The following ANXA2 variants were observed in gnomAD, a reference collection of about 807,000 sequenced individuals.
The protein encoded by ANXA2 is annexin A2, also known as annexin II.
A neutral mutation model predicts 47.3 loss-of-function variants in ANXA2; 28 were observed. That is an observed-to-expected ratio of 0.59 (90% confidence interval 0.44 to 0.81). ANXA2 has a LOEUF of 0.81. Ranked by LOEUF, ANXA2 falls within the 40% of genes least tolerant of loss-of-function variation. ANXA2 has a pLI of 0.00. For synonymous variants in ANXA2, 172 were observed against 155.5 expected, an observed-to-expected ratio of 1.11 and a Z score of -0.79; for missense variants, 384 against 414.3, an observed-to-expected ratio of 0.93 and a Z score of 0.64.
In ANXA2 at chr15:60,382,430, G is replaced by A. The variant is rs762696326; in HGVS notation, c.60C>T (p.Pro20=). 9.3e-6 allele frequency: 15 copies of A among 1,612,652 alleles called. No homozygotes were observed. The highest frequency in any genetic ancestry group is 3.3e-5 in the South Asian group (3 of 91,014). Reference sequence around the variant, plus strand: ...CTTTGACAGACCCATATGCACTTGGGGGTGTAGAGTGCTGAGGTTAAAAGA... The same window carrying A: ...CTTTGACAGACCCATATGCACTTGGAGGTGTAGAGTGCTGAGGTTAAAAGA... The part of the protein sequence containing the change: ...KLSLEGDHST[P]PSAYGSVKAY... Residue 20 remains proline, a synonymous_variant, in exon 3 of 13, where the codon CCC becomes CCT. Coordinates refer to ENST00000451270, the MANE Select transcript of ANXA2 (RefSeq NM_004039.3).
intron 1 of ANXA2, 107 bp downstream of exon 1, chr15:60,397,836 G>A: frequency 5.8e-6 from 8 of 1,382,658 alleles, no homozygotes; most frequent in Non-Finnish European, 7.5e-6. Flanking sequence ...ACGGCCTCCG[G>A]GGCCAGTTGC....
intron 5 of ANXA2, among the ~76,000 whole-genome samples, chr15:60,359,433 C>T (rs1000419213): frequency 6.6e-6 from 1 of 152,132 alleles, no homozygotes; most frequent in Admixed American, 6.5e-5. Context: ...TTTTCAGGAG[C>T]GCTATTTTTA....
intron 1 of ANXA2, among the ~76,000 whole-genome samples, chr15:60,389,118 A>T (rs537540000): frequency 6.6e-6 from 1 of 152,214 alleles, no homozygotes; most frequent in African/African-American, 2.4e-5. Context: ...TCACCCCTGG[A>T]CTCAGTCAGA....
chr15:60,354,209 C>G lies in ANXA2; in HGVS notation c.533G>C (p.Arg178Thr). Residue 178 changes from arginine (R) to threonine (T), a missense_variant, in exon 8 of 13, where the codon AGA becomes ACA. Transcript: ENST00000451270. ...RKLMVALAKG[R>T]RAEDGSVIDY... ...AATGACAGAGCCATCCTCTGCTCTTCTACCCTATGGGGGAAAGAAAAAGAA... is the reference window on the plus strand; with the variant it reads ...AATGACAGAGCCATCCTCTGCTCTTGTACCCTATGGGGGAAAGAAAAAGAA... The G allele has an allele frequency of 1.9e-6, 3 of 1,612,694 alleles. No individual in the cohort carries two copies. The highest frequency in any genetic ancestry group is 2.5e-6 in the Non-Finnish European group (3 of 1,179,146).
At chr15:60,397,587 T>C (rs2063098112) in intron 1 of ANXA2, among the ~76,000 whole-genome samples, 1 of 151,964 alleles carries the variant, frequency 6.6e-6, no homozygotes, top group South Asian at 2.1e-4. Context: ...GGCCACGCCC[T>C]GCCTCGGCGG....
At chr15:60,379,988 G>C (rs2062833658) in intron 3 of ANXA2, among the ~76,000 whole-genome samples, 1 of 152,170 alleles carries the variant, frequency 6.6e-6, no homozygotes, top group African/African-American at 2.4e-5. Context: ...TCCCATGCTT[G>C]TGAAAAGCAC....
chr15:60,357,028 C>G lies in ANXA2; in HGVS notation c.448+118G>C, dbSNP rs951045513. The G allele has an allele frequency of 3.6e-6, 3 of 835,046 alleles. No homozygotes were observed. The African/African-American group carries it at 5.0e-5, about 14-fold the overall frequency. The allele number at this position is 835,046 out of a possible 1,614,324, so 51.7% of individuals were successfully genotyped here. On this transcript the variant is annotated intron_variant, in intron 6 of 12. Transcript: ENST00000451270. Reference sequence around the variant, plus strand: ...AACCTTGCCTGCATAGTCAAGGTGGCAGGCACTTCTGCACATCACTAATGC... The same window carrying G: ...AACCTTGCCTGCATAGTCAAGGTGGGAGGCACTTCTGCACATCACTAATGC...
intron 3 of ANXA2, among the ~76,000 whole-genome samples, chr15:60,378,330 T>A (rs896699626): frequency 3.9e-5 from 6 of 152,214 alleles, no homozygotes; most frequent in Non-Finnish European, 7.3e-5. Flanking sequence ...AATAAAGATG[T>A]TGAAAATTAT....
intron 5 of ANXA2, among the ~76,000 whole-genome samples, chr15:60,359,815 C>T (rs1474518654): frequency 2.0e-5 from 3 of 151,956 alleles, no homozygotes; most frequent in African/African-American, 7.2e-5. Context: ...CAATGGTTTC[C>T]CTCATCTACA....
intron 1 of ANXA2, among the ~76,000 whole-genome samples, chr15:60,387,839 T>C (rs904766930): frequency 6.6e-6 from 1 of 152,140 alleles, no homozygotes; most frequent in Non-Finnish European, 1.5e-5. Flanking sequence ...CAGGGGAACA[T>C]GGGCATTCTT....
chr15:60,366,497 G>A (rs1385098849), intron 3 of ANXA2, among the ~76,000 whole-genome samples: 3 of 132,438 alleles, frequency 2.3e-5, no homozygotes, highest in African/African-American at 5.8e-5. Flanking sequence ...GCCCGGCCGC[G>A]ACCCTGTCTG....
chr15:60,358,521 C>A (rs78342777), intron 5 of ANXA2, among the ~76,000 whole-genome samples: 2 of 152,192 alleles, frequency 1.3e-5, no homozygotes, highest in Non-Finnish European at 2.9e-5. Flanking sequence ...AACTTATTAG[C>A]GTTTATATGC....
At chr15:60,380,676 T>C (rs1274438251) in intron 3 of ANXA2, among the ~76,000 whole-genome samples, 3 of 151,438 alleles carry the variant, frequency 2.0e-5, no homozygotes, top group Non-Finnish European at 1.5e-5. Context: ...TGGTGGTGTG[T>C]GCCTGTAATC....
rs762236591 is a variant in ANXA2 at position 60,360,918 on chromosome 15, G to A, written c.357+23C>T. The A allele has an allele frequency of 2.1e-6, 3 of 1,414,836 alleles. No individual in the cohort carries two copies. In the African/African-American group the frequency reaches 4.2e-5, roughly 20 times the overall value. The allele number at this position is 1,414,836 out of a possible 1,614,324, so 87.6% of individuals were successfully genotyped here. ...CAAAATTAATAGCAGATTTGACAGAGATGACATCTCACATGCATTTACCTT... is the reference window on the plus strand; with the variant it reads ...CAAAATTAATAGCAGATTTGACAGAAATGACATCTCACATGCATTTACCTT... On this transcript the variant is annotated intron_variant, in intron 5 of 12. Coordinates refer to ENST00000451270, the MANE Select transcript of ANXA2 (RefSeq NM_004039.3).
intron 5 of ANXA2, among the ~76,000 whole-genome samples, chr15:60,359,941 G>A (rs1341713565): frequency 6.6e-6 from 1 of 152,218 alleles, no homozygotes; most frequent in East Asian, 1.9e-4. Flanking sequence ...ATTAATGTGT[G>A]TGCATCTATT....
At chr15:60,364,835 T>C (rs1177922586) in intron 3 of ANXA2, among the ~76,000 whole-genome samples, 1 of 151,896 alleles carries the variant, frequency 6.6e-6, no homozygotes, top group Non-Finnish European at 1.5e-5. Context: ...TGTGGGGCTT[T>C]GGCAGTCAGA....
At position 60,382,062 on chromosome 15, in the gene ANXA2, GAGGGAGGGAGGA is replaced by G. The variant is rs2062868618; in HGVS notation, c.148+268_148+279del. 2.2e-5 allele frequency among the ~76,000 whole-genome samples: 3 copies of G among 134,418 alleles called. No individual in the cohort carries two copies. In the South Asian group the frequency reaches 8.3e-4, roughly 37 times the overall value. The allele number at this position is 134,418 out of a possible 152,430, so 88.2% of individuals were successfully genotyped here. ...AAGGAAAGAAGGGAGGGGAGGGAGG[GAGGGAGGGAGGA>G]AGGAAGGAAGAGCAGGAAGAAGGGA... On this transcript the variant is annotated intron_variant, in intron 3 of 12. Coordinates refer to ENST00000451270, the MANE Select transcript of ANXA2 (RefSeq NM_004039.3).
At chr15:60,378,142 A>T (rs1435031992) in intron 3 of ANXA2, among the ~76,000 whole-genome samples, 1 of 151,198 alleles carries the variant, frequency 6.6e-6, no homozygotes, top group African/African-American at 2.5e-5. Flanking sequence ...ATCACATAGC[A>T]TATACCATCC....
chr15:60,359,036 C>T (rs2062474014), intron 5 of ANXA2, among the ~76,000 whole-genome samples: 1 of 152,190 alleles, frequency 6.6e-6, no homozygotes, highest in Admixed American at 6.5e-5. Context: ...TCTACTGTAA[C>T]ATATGGCAGA....
Sources: allele counts gnomAD v4.1 joint callset (sites outside exome capture counted in the v4.1 genomes callset), GRCh38; gene constraint gnomAD v4.1.1; transcripts MANE v1.5; gene names NCBI Gene and HGNC (gene_info 2026-07-23, HGNC 2026-07-21).